Variants in MX2 observed in about 807,000 individuals in gnomAD.
MX2 encodes the protein MX dynamin like GTPase 2, also known as interferon-induced GTP-binding protein Mx2.
In MX2, 51 loss-of-function variants were observed where a neutral mutation model predicts 74.0. The observed-to-expected ratio is 0.69, with a 90% CI of 0.55 to 0.87. The LOEUF (loss-of-function observed/expected upper bound fraction) is 0.87, where lower values mean the gene tolerates loss of function less well. Among genes scored for constraint, MX2 ranks in the 40% least tolerant of loss-of-function variants. The pLI, the probability that MX2 is intolerant of heterozygous loss-of-function variation, is 0.00. For missense variants in MX2, 832 were observed against 908.7 expected (o/e 0.92, Z 1.09); for synonymous variants, 369 against 339.3 (o/e 1.09, Z -0.96).
At chr21:41,376,401 C>T (rs989890469) in intron 1 of MX2, among the ~76,000 whole-genome samples, 3 of 152,162 alleles carry the variant, frequency 2.0e-5, no homozygotes, top group Non-Finnish European at 4.4e-5. Context: ...AAAAAACTAG[C>T]TGGGCATGGT....
intron 5 of MX2, among the ~76,000 whole-genome samples, chr21:41,385,570 T>C (rs887071768): frequency 6.6e-6 from 1 of 152,186 alleles, no homozygotes; most frequent in Non-Finnish European, 1.5e-5. Context: ...GTGAGTCCAT[T>C]AGACCTCTTT....
chr21:41,379,873 C>A, intron 3 of MX2, 144 bp from the exon 4 acceptor site: 2 of 1,023,678 alleles, frequency 2.0e-6, no homozygotes, highest in East Asian at 2.4e-5. Context: ...CAGTCCAGAC[C>A]CCCTCACCTA....
chr21:41,382,429 G>C lies in MX2; in HGVS notation c.597G>C (p.Gly199=), dbSNP rs1339650159. 2 of 1,614,136 alleles carry C rather than the reference G, an allele frequency of 1.2e-6. No homozygotes were observed. Among genetic ancestry groups the C allele is most frequent in the Non-Finnish European group, 1.7e-6 (2 of 1,180,026 alleles). The part of the protein sequence containing the change: ...EIHKAQNVMA[G]NGRGISHELI... ...CCATAGCCCAGAACGTCATGGCCGG[G>C]AATGGCCGGGGCATCAGCCATGAGC... The change falls in exon 5 of 14, where the codon GGG becomes GGC. Residue 199 remains glycine, a synonymous_variant. Transcript: ENST00000330714.
chr21:41,407,392 C>T (rs1381537323), intron 13 of MX2, among the ~76,000 whole-genome samples: 1 of 152,142 alleles, frequency 6.6e-6, no homozygotes. Flanking sequence ...ACTAACATGC[C>T]ACACTTGCCA....
Position 41,402,985 on chromosome 21 carries a change from T to C in MX2, c.1574-282T>C. 2.7e-6 allele frequency: 1 copy of C among 375,784 alleles called. No individual in the cohort carries two copies. The highest frequency in any genetic ancestry group is 5.7e-5 in the East Asian group (1 of 17,592). 23.3% of individuals were successfully genotyped at this position (375,784 alleles called of 1,614,324 possible). A position where few individuals can be genotyped will look rare whatever the true frequency, so the allele number is the denominator to read the frequency against. Reference sequence around the variant, plus strand: ...GACACGGACTGGAACTGGTCCAGCCTGGGAGTTGGGGACCCCTGATGTAAG... The same window carrying C: ...GACACGGACTGGAACTGGTCCAGCCCGGGAGTTGGGGACCCCTGATGTAAG... On this transcript the variant is annotated intron_variant, in intron 11 of 13. Transcript: ENST00000330714. This position sits in a 1 kb window ranked among gnomAD's most constrained non-coding sequence, Gnocchi z 4.5.
At chr21:41,376,291 T>C (rs2089400447) in intron 1 of MX2, among the ~76,000 whole-genome samples, 1 of 152,146 alleles carries the variant, frequency 6.6e-6, no homozygotes, top group Admixed American at 6.5e-5. Context: ...CCCAGCACTT[T>C]GGGATGCTGA....
intron 4 of MX2, among the ~76,000 whole-genome samples, chr21:41,382,169 AC>A (rs1310414834): frequency 6.6e-6 from 1 of 152,252 alleles, no homozygotes; most frequent in Non-Finnish European, 1.5e-5. Flanking sequence ...CCCATAGCTA[AC>A]ATACCAGAAT....
intron 6 of MX2, among the ~76,000 whole-genome samples, chr21:41,391,389 CTTT>C (rs11405891): frequency 2.1e-5 from 3 of 142,470 alleles, no homozygotes; most frequent in Admixed American, 7.0e-5. Flanking sequence ...TAAATATTAG[CTTT>C]TTTTTTTTTT....
rs890370434 is a variant in MX2 at position 41,363,946 on chromosome 21, C to T, written c.-72+1891C>T. The T allele has an allele frequency of 6.5e-6, 1 of 154,884 alleles. No individual in the cohort carries two copies. Among genetic ancestry groups the T allele is most frequent in the Non-Finnish European group, 1.5e-5 (1 of 68,310 alleles). The allele number at this position is 154,884 out of a possible 1,614,324, so 9.6% of individuals were successfully genotyped here. A position where few individuals can be genotyped will look rare whatever the true frequency, so the allele number is the denominator to read the frequency against. ...GCAGGTCAGAGACAGCAGTGGAGAC[C>T]CGATTCCCAGCCCTGGGCTGGGGCC... is the stretch of plus-strand genomic sequence containing the variant. On this transcript the variant is annotated intron_variant, in intron 1 of 13. Coordinates refer to ENST00000330714, the MANE Select transcript of MX2 (RefSeq NM_002463.2). This position sits in a 1 kb window ranked among gnomAD's most constrained non-coding sequence, Gnocchi z 4.2.
At chr21:41,385,543 C>T (rs1191272023) in intron 5 of MX2, among the ~76,000 whole-genome samples, 2 of 152,196 alleles carry the variant, frequency 1.3e-5, no homozygotes, top group East Asian at 3.8e-4. Flanking sequence ...CTGAGGCCTC[C>T]CCAGCCATGT....
Position 41,403,341 on chromosome 21 carries a change from C to G in MX2, c.1648C>G (p.Gln550Glu), listed in dbSNP as rs774067062. ...ATTTTTCAACCTTAACCAAACTGTT[C>G]AGGTAAGCACCCAGAGTTCACTTGC... Reference protein sequence around the residue: ...GEFFNLNQTVQSTIEDIKVKH... With the variant: ...GEFFNLNQTVESTIEDIKVKH... The change falls in exon 12 of 14, where the codon CAG (glutamine) becomes GAG (glutamate). Residue 550 changes from glutamine to glutamate, a missense_variant and splice_region_variant. By Grantham distance (29) the Gln-to-Glu change is conservative. Transcript: ENST00000330714. 2 of 1,611,534 alleles carry G rather than the reference C, an allele frequency of 1.2e-6. No homozygotes were observed. Among genetic ancestry groups the G allele is most frequent in the Non-Finnish European group, 1.7e-6 (2 of 1,177,796 alleles).
chr21:41,403,785 G>A (rs1972160450), intron 12 of MX2: 1 of 399,438 alleles, frequency 2.5e-6, no homozygotes, highest in Non-Finnish European at 5.1e-6. Flanking sequence ...AAAGGCAAGA[G>A]AGGGCATGTG....
At chr21:41,384,091 T>C (rs985244778) in intron 5 of MX2, among the ~76,000 whole-genome samples, 5 of 152,250 alleles carry the variant, frequency 3.3e-5, no homozygotes. Flanking sequence ...GGCACTTTCT[T>C]GTTCTCGCAC....
intron 7 of MX2, 146 bp from the exon 8 acceptor site, chr21:41,397,467 C>A: frequency 1.6e-6 from 1 of 619,756 alleles, no homozygotes; most frequent in Non-Finnish European, 2.8e-6. Context: ...AGGCTGGTGG[C>A]AAGTGTCTTT....
Position 41,408,270 on chromosome 21 carries a change from C to T in MX2, c.*37C>T. 1 of 1,606,592 alleles carries T rather than the reference C, an allele frequency of 6.2e-7. No homozygotes were observed. Among genetic ancestry groups the T allele is most frequent in the African/African-American group, 1.3e-5 (1 of 74,802 alleles). On this transcript the variant is annotated 3_prime_UTR_variant, in exon 14 of 14. Coordinates refer to ENST00000330714, the MANE Select transcript of MX2 (RefSeq NM_002463.2). ...GCCTGTGGTTGTTTTCTTGTGCGTA[C>T]TCATTCATTCTAAGGGGAGTCGGTG... is the stretch of plus-strand genomic sequence containing the variant.
intron 10 of MX2, 99 bp from the exon 11 acceptor site, chr21:41,401,871 T>C: frequency 7.5e-7 from 1 of 1,333,262 alleles, no homozygotes; most frequent in East Asian, 2.3e-5. Context: ...ACATTGCCTC[T>C]GCGTACAGTG....
At chr21:41,397,714 C>G in intron 8 of MX2, 23 bp downstream of exon 8, 1 of 1,600,420 alleles carries the variant, frequency 6.2e-7, no homozygotes, top group Non-Finnish European at 8.6e-7. Context: ...GGTTGGGTGA[C>G]AAGTCATCAA....
rs60975870 is a variant in MX2 at position 41,362,064 on chromosome 21, G to A, written c.-72+9G>A. The A allele has an allele frequency of 0.056, 8,494 of 152,350 alleles. 307 individuals carry two copies. The highest frequency in any genetic ancestry group is 0.093 in the East Asian group (480 of 5,176). The allele number at this position is 152,350 out of a possible 1,614,324, so 9.4% of individuals were successfully genotyped here. ...ATCCTGAACGTGCAGCGGTAAGAGC[G>A]GGGCCGGTGCAGGGAGGGCTGCTTT... On this transcript the variant is annotated intron_variant, in intron 1 of 13. Transcript: ENST00000330714.
intron 12 of MX2, 118 bp downstream of exon 12, chr21:41,403,461 C>A (rs1056032781): frequency 2.1e-6 from 2 of 964,466 alleles, no homozygotes; most frequent in Non-Finnish European, 3.3e-6. Context: ...GGCAGGCTGG[C>A]GAGGCTGGCA....
Sources: gnomAD v4.1 joint callset for allele counts (sites outside exome capture counted in the v4.1 genomes callset) on GRCh38, gnomAD v4.1.1 for gene constraint, Gnocchi (gnomAD v3.1) non-coding constraint, MANE v1.5 for transcripts, NCBI Gene and HGNC (gene_info 2026-07-23, HGNC 2026-07-21) for gene names.